The following VEGFB variants were observed in gnomAD, a reference collection of about 807,000 sequenced individuals.
VEGFB encodes vascular endothelial growth factor B, also known as VEGF-related factor.
A neutral mutation model predicts 22.5 loss-of-function variants in VEGFB; 24 were observed. The ratio of observed to expected loss-of-function variants is 1.07; its 90% CI spans 0.77 to 1.50. The LOEUF is 1.50. VEGFB is among the 40% of genes most tolerant of loss of function. VEGFB has a pLI of 0.00. For missense variants in VEGFB, 327 were observed against 287.8 expected (o/e 1.14, Z -0.99); for synonymous variants, 141 against 117.4 (o/e 1.20, Z -1.30).
chr11:64,236,153 C>T (rs1056845616), intron 3 of VEGFB, 101 bp from the exon 4 acceptor site: 1 of 1,540,312 alleles, frequency 6.5e-7, no homozygotes. Context: ...GGGCTGGTGG[C>T]CAGCCTCCCG....
intron 6 of VEGFB, 59 bp from the exon 7 acceptor site, chr11:64,238,297 A>C: frequency 6.5e-7 from 1 of 1,534,170 alleles, no homozygotes; most frequent in Non-Finnish European, 8.7e-7. Context: ...GGCACACATG[A>C]GTCCAGGGCT....
At chr11:64,236,716 CAAAAA>C (rs773789771) in intron 4 of VEGFB, among the ~76,000 whole-genome samples, 1 of 74,488 alleles carries the variant, frequency 1.3e-5, no homozygotes, top group Non-Finnish European at 2.6e-5. Context: ...GACTCTGCCA[CAAAAA>C]AAAAAAAAAA....
In VEGFB at chr11:64,238,346, C is replaced by T. The variant is rs990622425; in HGVS notation, c.*23-10C>T. 8 of 1,536,054 alleles carry T rather than the reference C, an allele frequency of 5.2e-6. No individual in the cohort carries two copies. In the African/African-American group the frequency reaches 9.6e-5, roughly 18 times the overall value. ...AGCCAGCATGAACAGATCACTTCCTCCCTCCTCAGGTGCCGGAAGCTGCGA... is the reference window on the plus strand; with the variant it reads ...AGCCAGCATGAACAGATCACTTCCTTCCTCCTCAGGTGCCGGAAGCTGCGA... On this transcript the variant is annotated splice_polypyrimidine_tract_variant and intron_variant, in intron 6 of 6. Coordinates refer to ENST00000309422, the MANE Select transcript of VEGFB (RefSeq NM_003377.5).
chr11:64,237,247 G>A (rs956639566), intron 5 of VEGFB, 25 bp downstream of exon 5: 4 of 1,604,606 alleles, frequency 2.5e-6, no homozygotes, highest in African/African-American at 2.7e-5. Flanking sequence ...CTCCAGCTGA[G>A]TAGGGGTATG....
rs1382992346 is a variant in VEGFB, at chr11:64,234,840, C to T, written c.7C>T (p.Pro3Ser). The change falls in exon 1 of 7, where the codon CCT becomes TCT. Residue 3 changes from proline to serine, a missense_variant. Transcript: ENST00000309422. The surrounding 1 kb of genome is among the most constrained non-coding windows in gnomAD (Gnocchi z 5.3). MS[P>S]LLRRLLLAAL... ...GGCGGCCCCGGCGGGCACCATGAGC[C>T]CTCTGCTCCGCCGCCTGCTGCTCGC... The T allele has an allele frequency of 1.6e-6, 2 of 1,261,346 alleles. No individual in the cohort carries two copies. The highest frequency in any genetic ancestry group is 2.5e-5 in the South Asian group (1 of 39,456). The allele number at this position is 1,261,346 out of a possible 1,614,324, so 78.1% of individuals were successfully genotyped here.
At chr11:64,236,708 C>G (rs532084560) in intron 4 of VEGFB, among the ~76,000 whole-genome samples, 1 of 106,344 alleles carries the variant, frequency 9.4e-6, no homozygotes, top group South Asian at 3.2e-4. Flanking sequence ...CAGAGCAAGA[C>G]TCTGCCACAA....
At chr11:64,235,125 C>CG (rs1947233363) in intron 1 of VEGFB, among the ~76,000 whole-genome samples, 2 of 152,234 alleles carry the variant, frequency 1.3e-5, no homozygotes, top group Admixed American at 1.3e-4. Context: ...TGGGCACCGC[C>CG]GGGGGCGGGG....
chr11:64,237,736 T>A, intron 6 of VEGFB, 81 bp downstream of exon 6: 1 of 1,279,220 alleles, frequency 7.8e-7, no homozygotes, highest in Non-Finnish European at 1.1e-6. Context: ...AGCCTGCCAG[T>A]AGGAGGAGGG....
At chr11:64,236,382 G>A in intron 4 of VEGFB, 55 bp downstream of exon 4, 1 of 1,560,366 alleles carries the variant, frequency 6.4e-7, no homozygotes, top group Non-Finnish European at 8.8e-7. Flanking sequence ...GGGGGTGCTG[G>A]GTATGGTGGT....
rs1182537675 is a variant in VEGFB at position 64,237,122 on chromosome 11, AG to A, written c.375-64del. 0.011 allele frequency: 9,588 copies of A among 856,594 alleles called. 1,203 individuals carry two copies. The African/African-American group carries it at 0.13, about 12-fold the overall frequency. The allele number at this position is 856,594 out of a possible 1,614,324, so 53.1% of individuals were successfully genotyped here. A position where few individuals can be genotyped will look rare whatever the true frequency, so the allele number is the denominator to read the frequency against. On this transcript the variant is annotated intron_variant, in intron 4 of 6. Transcript: ENST00000309422. Reference sequence around the variant, plus strand: ...GAGAGAGAGAGAGAGAGAGAGAGAGAGTAGGATGCTGGGATTTCCTGATCTT... The same window carrying A: ...GAGAGAGAGAGAGAGAGAGAGAGAGATAGGATGCTGGGATTTCCTGATCTT...
At chr11:64,237,993 A>G in intron 6 of VEGFB, 1 of 475,498 alleles carries the variant, frequency 2.1e-6, no homozygotes, top group East Asian at 3.4e-5. Context: ...TCCAGCTTGC[A>G]GTTCGGGCCT....
At position 64,234,935 on chromosome 11, in the gene VEGFB, C is replaced by G. The variant is rs1481156329; in HGVS notation, c.60+42C>G. 3.1e-6 allele frequency: 4 copies of G among 1,270,640 alleles called. No individual in the cohort carries two copies. The African/African-American group carries it at 4.6e-5, about 15-fold the overall frequency. 78.7% of individuals were successfully genotyped at this position (1,270,640 alleles called of 1,614,324 possible). ...AGCGCGCCCGCCCGCCCGCCGTGCC[C>G]TCTCTCAAGGTTGGCGGAAGTGAGG... On this transcript the variant is annotated intron_variant, in intron 1 of 6. Transcript: ENST00000309422. This position sits in a 1 kb window ranked among gnomAD's most constrained non-coding sequence, Gnocchi z 5.3.
chr11:64,235,670 C>G (rs1327418254), intron 2 of VEGFB, 143 bp from the exon 3 acceptor site: 2 of 1,249,160 alleles, frequency 1.6e-6, no homozygotes, highest in Non-Finnish European at 2.3e-6. Context: ...TCTGGATAAA[C>G]AGGGCAGGGG....
chr11:64,235,536 AAG>A, intron 2 of VEGFB, 36 bp downstream of exon 2: 1 of 1,608,734 alleles, frequency 6.2e-7, no homozygotes, highest in South Asian at 1.1e-5. Flanking sequence ...AGCCAGCACT[AAG>A]AGGGTTTGTC....
chr11:64,235,429 C>A (rs745561509), intron 1 of VEGFB, 29 bp from the exon 2 acceptor site: 3 of 1,612,756 alleles, frequency 1.9e-6, no homozygotes, highest in South Asian at 2.2e-5. Context: ...TAAAGTGTAC[C>A]TTGGGTACAG....
chr11:64,236,065 G>T, intron 3 of VEGFB, 56 bp downstream of exon 3: 1 of 1,541,132 alleles, frequency 6.5e-7, no homozygotes, highest in East Asian at 2.4e-5. Context: ...AGGTGGGGCA[G>T]CGGGCAGGGT....
chr11:64,235,696 G>C (rs564305010), intron 2 of VEGFB, 117 bp from the exon 3 acceptor site: 117 of 1,339,214 alleles, frequency 8.7e-5, no homozygotes, highest in Non-Finnish European at 1.1e-4. Context: ...AGGTTGTGAG[G>C]GCAGAGTGGG....
Position 64,237,440 on chromosome 11 carries a change from GT to G in VEGFB, c.432del (p.Gln146SerfsTer41). 6.3e-7 allele frequency: 1 copy of G among 1,594,122 alleles called. No homozygotes were observed. The highest frequency in any genetic ancestry group is 8.6e-7 in the Non-Finnish European group (1 of 1,165,828). ...CCTAGGGCTGCCACTCCCCACCACC[GT>G]CCCCAGCCCCGTTCTGTTCCGGGCT... ...KPDRAATPHH[R>X]PQPRSVPGWD... On this transcript the variant is annotated frameshift_variant, in exon 6 of 7. Transcript: ENST00000309422. LOFTEE classifies it high-confidence loss of function.
chr11:64,235,267 G>C (rs2135013233), intron 1 of VEGFB, among the ~76,000 whole-genome samples, 191 bp from the exon 2 acceptor site: 1 of 152,358 alleles, frequency 6.6e-6, no homozygotes, highest in East Asian at 1.9e-4. Context: ...TTGCGTTTTG[G>C]GCCAGGGCAG....
Sources: gnomAD v4.1 joint callset for allele counts (sites outside exome capture counted in the v4.1 genomes callset) on GRCh38, gnomAD v4.1.1 for gene constraint, Gnocchi (gnomAD v3.1) non-coding constraint, MANE v1.5 for transcripts, NCBI Gene and HGNC (gene_info 2026-07-23, HGNC 2026-07-21) for gene names.